PRR16: variants seen among roughly 807,000 people sequenced by gnomAD.
PRR16 encodes the protein protein Largen.
PRR16 carries 6 observed loss-of-function variants against 18.2 expected under a neutral mutation model. The ratio of observed to expected loss-of-function variants is 0.33; its 90% confidence interval spans 0.18 to 0.65. The LOEUF is 0.65. Ranked by LOEUF, PRR16 falls within the 30% of genes least tolerant of loss-of-function variation. PRR16 has a pLI of 0.74. For missense variants in PRR16, 412 were observed against 376.6 expected, an observed-to-expected ratio of 1.09 and a Z score of -0.78; for synonymous variants, 151 against 147.8, an observed-to-expected ratio of 1.02 and a Z score of -0.16.
intron 1 of PRR16, among the ~76,000 whole-genome samples, chr5:120,539,844 C>CT (rs984397404): frequency 4.0e-5 from 6 of 149,876 alleles, no homozygotes; most frequent in Non-Finnish European, 8.9e-5. Context: ...GTTTTTTTTT[C>CT]TTTTTTTTGG....
At chr5:120,574,785 A>G (rs1188096536) in intron 1 of PRR16, among the ~76,000 whole-genome samples, 3 of 149,286 alleles carry the variant, frequency 2.0e-5, no homozygotes, top group Non-Finnish European at 4.4e-5. Context: ...AAGAACTCTC[A>G]TACACTGTTG....
chr5:120,677,485 G>A (rs1200242660), intron 1 of PRR16, among the ~76,000 whole-genome samples: 1 of 152,162 alleles, frequency 6.6e-6, no homozygotes, highest in East Asian at 1.9e-4. Flanking sequence ...TTCTTCTCTT[G>A]TTAGAAATTC....
chr5:120,725,802 G>T, the PRR16 span, among the ~76,000 whole-genome samples: 1 of 151,882 alleles, frequency 6.6e-6, no homozygotes, highest in African/African-American at 2.4e-5. Context: ...ATAAAATACT[G>T]GGTAAAATTG....
intron 1 of PRR16, among the ~76,000 whole-genome samples, chr5:120,512,187 C>T (rs957444943): frequency 4.7e-5 from 4 of 85,690 alleles, no homozygotes; most frequent in African/African-American, 2.8e-4. Context: ...GTTTCCCCTC[C>T]AGATACAGAG....
chr5:120,607,561 ATG>A (rs1754194994), intron 1 of PRR16, among the ~76,000 whole-genome samples: 1 of 152,128 alleles, frequency 6.6e-6, no homozygotes. Context: ...CCCTTGATCT[ATG>A]CTTCATTAGA....
At chr5:120,604,684 C>G (rs764762735) in intron 1 of PRR16, among the ~76,000 whole-genome samples, 7 of 152,068 alleles carry the variant, frequency 4.6e-5, no homozygotes, top group Admixed American at 1.3e-4. Context: ...GTGGAAGTTT[C>G]TGTGTTTAAC....
chr5:120,651,175 G>C (rs1188253790), intron 1 of PRR16, among the ~76,000 whole-genome samples: 1 of 152,038 alleles, frequency 6.6e-6, no homozygotes, highest in African/African-American at 2.4e-5. Context: ...TGATGGGGTT[G>C]TTTGGTTTTT....
intron 1 of PRR16, among the ~76,000 whole-genome samples, chr5:120,491,175 A>T (rs1388820350): frequency 6.6e-6 from 1 of 152,100 alleles, no homozygotes; most frequent in Non-Finnish European, 1.5e-5. Flanking sequence ...ACTCTCTTCA[A>T]ATCTGTCAGA....
intron 1 of PRR16, among the ~76,000 whole-genome samples, chr5:120,586,006 C>G (rs1456838644): frequency 6.6e-6 from 1 of 151,892 alleles, no homozygotes; most frequent in African/African-American, 2.4e-5. Flanking sequence ...ATCCCTGTCT[C>G]TACTAAAAAT....
intron 1 of PRR16, among the ~76,000 whole-genome samples, chr5:120,648,611 G>T (rs1755674312): frequency 6.6e-6 from 1 of 151,976 alleles, no homozygotes; most frequent in African/African-American, 2.4e-5. Flanking sequence ...AGCTGAAAGT[G>T]GCAACAACCA....
intron 1 of PRR16, among the ~76,000 whole-genome samples, chr5:120,568,171 G>A (rs1216413321): frequency 1.3e-5 from 2 of 152,180 alleles, no homozygotes; most frequent in Non-Finnish European, 2.9e-5. Flanking sequence ...GGACACAGAT[G>A]TGACCAGGCA....
the PRR16 span, among the ~76,000 whole-genome samples, chr5:120,769,037 TAAAATAC>T: frequency 6.6e-6 from 1 of 151,640 alleles, no homozygotes; most frequent in Non-Finnish European, 1.5e-5. Context: ...TACAAAATAA[TAAAATAC>T]TTCTCAGTGT....
chr5:120,506,026 C>T (rs1216162312), intron 1 of PRR16, among the ~76,000 whole-genome samples: 1 of 150,568 alleles, frequency 6.6e-6, no homozygotes, highest in East Asian at 1.9e-4. Flanking sequence ...TCATCATGTT[C>T]ACTTGTAAGC....
chr5:120,575,738 T>C (rs1392595774), intron 1 of PRR16, among the ~76,000 whole-genome samples: 2 of 152,182 alleles, frequency 1.3e-5, no homozygotes, highest in African/African-American at 4.8e-5. Flanking sequence ...AGATTGAGAA[T>C]AAGATAAGTA....
At chr5:120,729,870 C>T in the PRR16 span, among the ~76,000 whole-genome samples, 1 of 152,044 alleles carries the variant, frequency 6.6e-6, no homozygotes, top group East Asian at 1.9e-4. Context: ...GAGGGCTTTG[C>T]ATGCCATATC....
intron 1 of PRR16, among the ~76,000 whole-genome samples, chr5:120,487,401 T>G (rs1424443048): frequency 1.3e-5 from 2 of 152,212 alleles, no homozygotes; most frequent in Non-Finnish European, 2.9e-5. Context: ...TTTATTCTCT[T>G]TGAAGCAATT....
intron 1 of PRR16, among the ~76,000 whole-genome samples, chr5:120,501,364 T>A (rs959467017): frequency 6.6e-6 from 1 of 152,178 alleles, no homozygotes; most frequent in African/African-American, 2.4e-5. Flanking sequence ...AGTTGCCAGA[T>A]ATTTCTTTTG....
intron 1 of PRR16, among the ~76,000 whole-genome samples, chr5:120,470,452 A>G (rs895911979): frequency 1.3e-5 from 2 of 152,160 alleles, no homozygotes; most frequent in African/African-American, 4.8e-5. Context: ...TTTTGTATGC[A>G]TATTTTAACA....
At chr5:120,499,250 C>A (rs1314532207) in intron 1 of PRR16, among the ~76,000 whole-genome samples, 1 of 152,008 alleles carries the variant, frequency 6.6e-6, no homozygotes, top group Non-Finnish European at 1.5e-5. Flanking sequence ...GTTGGGATTA[C>A]AGGCAGGCAC....
Sources: gnomAD v4.1 joint callset for allele counts (sites outside exome capture counted in the v4.1 genomes callset) on GRCh38, gnomAD v4.1.1 for gene constraint, MANE v1.5 for transcripts, NCBI Gene and HGNC (gene_info 2026-07-23, HGNC 2026-07-21) for gene names.